PLXNA4: variants seen among roughly 807,000 people sequenced by gnomAD.
PLXNA4 encodes plexin A4.
In PLXNA4, 44 loss-of-function variants were observed where a neutral mutation model predicts 191.8. The observed-to-expected ratio is 0.23, with a 90% CI of 0.18 to 0.29. The LOEUF (loss-of-function observed/expected upper bound fraction) is 0.29. Ranked by LOEUF, PLXNA4 falls within the 10% of genes least tolerant of loss-of-function variation. PLXNA4 has a pLI of 1.00. For synonymous variants in PLXNA4, 1,082 were observed against 1,009.5 expected, an observed-to-expected ratio of 1.07 and a Z score of -1.36; for missense variants, 1,800 against 2,488.8, an observed-to-expected ratio of 0.72 and a Z score of 5.89.
At chr7:132,606,360 A>C (rs1802923618) in intron 2 of PLXNA4, among the ~76,000 whole-genome samples, 1 of 152,186 alleles carries the variant, frequency 6.6e-6, no homozygotes. Context: ...TTGTTATGTC[A>C]GCCCCAGGAA....
intron 3 of PLXNA4, among the ~76,000 whole-genome samples, chr7:132,472,699 A>G (rs2117427811): frequency 6.6e-6 from 1 of 152,348 alleles, no homozygotes; most frequent in Admixed American, 6.5e-5. Flanking sequence ...ATCACTGGAA[A>G]AGCTGGGAAG....
Position 132,636,909 on chromosome 7 carries a change from G to T in PLXNA4, c.-87+9019C>A, listed in dbSNP as rs1015635341. ...CCACAGCTAGCTGCATGCAAAGGAT[G>T]CAGGAGGTGGGGAGGTGGGAAGAAT... On this transcript the variant is annotated intron_variant, in intron 2 of 4. Transcript: ENST00000378539. 1.3e-5 allele frequency among the ~76,000 whole-genome samples: 2 copies of T among 152,194 alleles called. 1 individual carries two copies. Among genetic ancestry groups the T allele is most frequent in the South Asian group, 4.1e-4 (2 of 4,826 alleles).
chr7:132,593,634 G>A lies in PLXNA4; in HGVS notation c.-87+52294C>T, dbSNP rs115600577. 6.5e-3 allele frequency among the ~76,000 whole-genome samples: 990 copies of A among 152,294 alleles called. 17 individuals carry two copies. Among genetic ancestry groups the A allele is most frequent in the African/African-American group, 0.022 (902 of 41,552 alleles). On this transcript the variant is annotated intron_variant, in intron 2 of 4. Coordinates refer to the PLXNA4 transcript ENST00000378539. ...GGGGCCCAAATGTGGCCTCCACGTC[G>A]TGCCATCACTCATTCCAGGGACCAA...
intron 3 of PLXNA4, among the ~76,000 whole-genome samples, chr7:132,460,283 C>T (rs1015147939): frequency 3.3e-5 from 5 of 151,438 alleles, no homozygotes; most frequent in Admixed American, 1.3e-4. Context: ...CCCTTGAGCC[C>T]GGGAAGTCGA....
At chr7:132,440,572 G>A (rs576982311) in intron 3 of PLXNA4, among the ~76,000 whole-genome samples, 8 of 152,210 alleles carry the variant, frequency 5.3e-5, no homozygotes, top group Non-Finnish European at 1.2e-4. Flanking sequence ...TTCTAAGGGT[G>A]TGTGTTCATA....
chr7:132,224,543 T>C (rs904374844), intron 8 of PLXNA4, among the ~76,000 whole-genome samples: 44 of 152,186 alleles, frequency 2.9e-4, no homozygotes, highest in African/African-American at 1.0e-3. Flanking sequence ...GTTGCATTGA[T>C]TTTTGACTCC....
chr7:132,420,905 C>T (rs1794827428), intron 3 of PLXNA4, among the ~76,000 whole-genome samples: 1 of 152,178 alleles, frequency 6.6e-6, no homozygotes, highest in African/African-American at 2.4e-5. Context: ...CTTCCTTCCA[C>T]CATGATTTTG....
At chr7:132,373,892 C>T (rs1339805807) in intron 3 of PLXNA4, among the ~76,000 whole-genome samples, 1 of 152,116 alleles carries the variant, frequency 6.6e-6, no homozygotes, top group Non-Finnish European at 1.5e-5. Context: ...TCTCATTTTC[C>T]CTTTAAACTC....
At chr7:132,276,823 A>C (rs573703259) in intron 4 of PLXNA4, among the ~76,000 whole-genome samples, 1 of 152,270 alleles carries the variant, frequency 6.6e-6, no homozygotes, top group East Asian at 1.9e-4. Context: ...CTGCCATGGA[A>C]ATGGGGCTGC....
At chr7:132,386,957 T>C (rs1805175379) in intron 3 of PLXNA4, among the ~76,000 whole-genome samples, 1 of 152,342 alleles carries the variant, frequency 6.6e-6, no homozygotes, top group East Asian at 1.9e-4. Flanking sequence ...TGTCAAATAC[T>C]AGAAGAACAA....
intron 1 of PLXNA4, among the ~76,000 whole-genome samples, chr7:132,544,420 G>A (rs986013174): frequency 1.1e-4 from 16 of 152,204 alleles, no homozygotes; most frequent in Non-Finnish European, 2.1e-4. Context: ...CACAATTCCC[G>A]TTTTGGGGAA....
chr7:132,333,979 A>G (rs1802704432), intron 3 of PLXNA4, among the ~76,000 whole-genome samples: 2 of 152,168 alleles, frequency 1.3e-5, no homozygotes, highest in Non-Finnish European at 2.9e-5. Context: ...CTTTGAACAA[A>G]GCAGCATTTT....
At chr7:132,587,819 C>T (rs1273966691) in intron 2 of PLXNA4, among the ~76,000 whole-genome samples, 3 of 151,786 alleles carry the variant, frequency 2.0e-5, no homozygotes, top group Non-Finnish European at 4.4e-5. Context: ...CCATCTTCTG[C>T]TTGGTGCTGG....
chr7:132,411,741 T>C (rs1216237505), intron 3 of PLXNA4, among the ~76,000 whole-genome samples: 1 of 152,104 alleles, frequency 6.6e-6, no homozygotes, highest in East Asian at 1.9e-4. Context: ...AATTCTGGCA[T>C]CCCCAGTTCA....
chr7:132,167,521 CATTT>C (rs1285246955), intron 22 of PLXNA4, among the ~76,000 whole-genome samples: 1 of 151,966 alleles, frequency 6.6e-6, no homozygotes. Context: ...TGAAATTCTG[CATTT>C]ATTTATTTAT....
chr7:132,525,918 C>T (rs1448534010), intron 1 of PLXNA4, among the ~76,000 whole-genome samples: 1 of 152,160 alleles, frequency 6.6e-6, no homozygotes, highest in East Asian at 1.9e-4. Context: ...GTTTGTGAAA[C>T]AGGGTTTCTC....
intron 4 of PLXNA4, chr7:132,264,410 G>T (rs1234618622): frequency 3.3e-5 from 5 of 152,184 alleles, no homozygotes; most frequent in African/African-American, 1.2e-4. Context: ...AAATAATTCG[G>T]TCCAAACCTG....
At chr7:132,458,405 G>T (rs1796383795) in intron 3 of PLXNA4, among the ~76,000 whole-genome samples, 1 of 151,852 alleles carries the variant, frequency 6.6e-6, no homozygotes. Context: ...AAAACTGAAA[G>T]TTATTCAAAT....
intron 4 of PLXNA4, among the ~76,000 whole-genome samples, chr7:132,277,311 C>T (rs1162526420): frequency 2.0e-5 from 3 of 152,292 alleles, no homozygotes; most frequent in East Asian, 1.9e-4. Context: ...AAGTTCCTCC[C>T]ACCTTCCCTA....
Sources: gnomAD v4.1 joint callset for allele counts (sites outside exome capture counted in the v4.1 genomes callset) on GRCh38, gnomAD v4.1.1 for gene constraint, MANE v1.5 for transcripts, NCBI Gene and HGNC (gene_info 2026-07-23, HGNC 2026-07-21) for gene names.